Variants in ZFP62 observed in about 807,000 individuals in gnomAD.
ZFP62 encodes the protein zinc finger protein 62 homolog.
A neutral mutation model predicts 56.4 loss-of-function variants in ZFP62; 44 were observed. The observed-to-expected ratio is 0.78, with a 90% CI of 0.61 to 1.00. The LOEUF is 1.00. Among genes scored for constraint, ZFP62 ranks in the 50% least tolerant of loss-of-function variants. ZFP62 has a pLI of 0.00. For synonymous variants in ZFP62, 421 were observed against 388.9 expected (o/e 1.08, Z -0.97); for missense variants, 1,030 against 1,085.7 (o/e 0.95, Z 0.72).
chr5:180,849,143 G>T lies in ZFP62; in HGVS notation c.2352C>A (p.Pro784=). The T allele has an allele frequency of 6.4e-7, 1 of 1,563,100 alleles. No homozygotes were observed. Among genetic ancestry groups the T allele is most frequent in the East Asian group, 2.4e-5 (1 of 41,650 alleles). ...VHKRIHTGEK[P]YECDECGKAY... ...CCTTCCCACACTCATCACATTCATA[G>T]GGTTTCTCACCTGTGTGGATCCTTT... The change falls in exon 2 of 2, where the codon CCC becomes CCA. Residue 784 remains proline, a synonymous_variant. Coordinates refer to ENST00000502412, the MANE Select transcript of ZFP62 (RefSeq NM_001172638.2).
chr5:180,851,995 G>A (rs928991717), intron 1 of ZFP62: 40 of 986,332 alleles, frequency 4.1e-5, no homozygotes, highest in Admixed American at 6.0e-5. Flanking sequence ...TACCTGGGGA[G>A]GGGTATCAGG....
chr5:180,843,365 C>T (rs1773352559), downstream of ZFP62, among the ~76,000 whole-genome samples: 1 of 151,954 alleles, frequency 6.6e-6, no homozygotes, highest in Non-Finnish European at 1.5e-5. Context: ...TAGAATCATT[C>T]ATAACTATAA....
the ZFP62 span, chr5:180,830,825 C>G: frequency 6.6e-6 from 1 of 152,246 alleles, no homozygotes; most frequent in Non-Finnish European, 1.5e-5. Context: ...TCCACCTGCG[C>G]AGAGGTAGCT....
the ZFP62 span, chr5:180,832,767 A>C: frequency 6.6e-6 from 1 of 152,214 alleles, no homozygotes; most frequent in African/African-American, 2.4e-5. Context: ...TGCATCACCC[A>C]GGAACTTGTA....
Position 180,849,112 on chromosome 5 carries a change from T to G in ZFP62, c.2383A>C (p.Ile795Leu), listed in dbSNP as rs1187891624. The G allele has an allele frequency of 1.3e-6, 2 of 1,557,504 alleles. No homozygotes were observed. Among genetic ancestry groups the G allele is most frequent in the Admixed American group, 1.9e-5 (1 of 51,378 alleles). ...TGATTGATAAGACTTGAGTGTGAGA[T>G]GTATGCCTTCCCACACTCATCACAT... ...YECDECGKAY[I>L]SHSSLINHKS... Residue 795 changes from isoleucine (I) to leucine (L), a missense_variant, in exon 2 of 2, where the codon ATC (isoleucine) becomes CTC (leucine). Coordinates refer to ENST00000502412, the MANE Select transcript of ZFP62 (RefSeq NM_001172638.2).
the ZFP62 span, among the ~76,000 whole-genome samples, chr5:180,838,413 T>C: frequency 1.3e-5 from 2 of 152,160 alleles, no homozygotes; most frequent in Non-Finnish European, 2.9e-5. Flanking sequence ...TGAAGGAGAC[T>C]AAAAAGATGC....
At position 180,848,274 on chromosome 5, in the gene ZFP62, G is replaced by A. The variant is rs907493048; in HGVS notation, c.*518C>T. 11 of 985,290 alleles carry A rather than the reference G, an allele frequency of 1.1e-5. No individual in the cohort carries two copies. The highest frequency in any genetic ancestry group is 1.2e-5 in the Non-Finnish European group (10 of 830,046). 61.0% of individuals were successfully genotyped at this position (985,290 alleles called of 1,614,324 possible). A position where few individuals can be genotyped will look rare whatever the true frequency, so the allele number is the denominator to read the frequency against. Reference sequence around the variant, plus strand: ...CCCCCTCCCAAACCAATTACATCAAGTTTATACTTAAAGACCACTAATATT... The same window carrying A: ...CCCCCTCCCAAACCAATTACATCAAATTTATACTTAAAGACCACTAATATT... On this transcript the variant is annotated 3_prime_UTR_variant, in exon 2 of 2. Coordinates refer to ENST00000502412, the MANE Select transcript of ZFP62 (RefSeq NM_001172638.2).
At chr5:180,852,252 C>T (rs2113690874) in intron 1 of ZFP62, among the ~76,000 whole-genome samples, 1 of 152,008 alleles carries the variant, frequency 6.6e-6, no homozygotes, top group East Asian at 1.9e-4. Flanking sequence ...AACTATGAAG[C>T]CATATGGAAA....
intron 1 of ZFP62, among the ~76,000 whole-genome samples, chr5:180,857,448 A>C (rs1252115002): frequency 1.3e-5 from 2 of 152,176 alleles, no homozygotes; most frequent in African/African-American, 4.8e-5. Flanking sequence ...AATCAGAGCT[A>C]ATTTAGGCTG....
rs1773532719 is a variant in ZFP62, at chr5:180,849,059, G to T, written c.2436C>A (p.Pro812=). The change falls in exon 2 of 2, where the codon CCC becomes CCA. Residue 812 remains proline, a synonymous_variant. Coordinates refer to ENST00000502412, the MANE Select transcript of ZFP62 (RefSeq NM_001172638.2). The stretch of plus-strand genomic sequence containing the variant: ...AGGATTTCCCACACTCACAATTATA[G>T]GGCTGCTTCCCCTGGTGGACACTTT... ...NHKSVHQGKQ[P]YNCECGKSFN... 3 of 1,552,242 alleles carry T rather than the reference G, an allele frequency of 1.9e-6. No homozygotes were observed. In the South Asian group the frequency reaches 3.6e-5, roughly 18 times the overall value.
At chr5:180,856,636 G>A (rs1250879897) in intron 1 of ZFP62, among the ~76,000 whole-genome samples, 1 of 152,106 alleles carries the variant, frequency 6.6e-6, no homozygotes, top group Non-Finnish European at 1.5e-5. Context: ...AGGAGAGTCT[G>A]GTAGGAAAAT....
chr5:180,855,971 T>C (rs1198872549), intron 1 of ZFP62, among the ~76,000 whole-genome samples: 7 of 152,226 alleles, frequency 4.6e-5, no homozygotes, highest in Non-Finnish European at 1.0e-4. Context: ...CCTGTGCAAC[T>C]GTCAACCCTC....
downstream of ZFP62, among the ~76,000 whole-genome samples, chr5:180,846,434 C>A (rs1055549027): frequency 6.6e-6 from 1 of 152,212 alleles, no homozygotes; most frequent in Non-Finnish European, 1.5e-5. Context: ...TAAAAACAAC[C>A]AAAGCTGGTC....
downstream of ZFP62, among the ~76,000 whole-genome samples, chr5:180,847,312 A>C (rs1773437872): frequency 1.3e-5 from 2 of 152,204 alleles, no homozygotes; most frequent in Non-Finnish European, 2.9e-5. Flanking sequence ...GTTTATGTTC[A>C]ATTCTACATG....
chr5:180,858,959 C>T (rs1454599747), intron 1 of ZFP62, among the ~76,000 whole-genome samples: 2 of 152,218 alleles, frequency 1.3e-5, no homozygotes, highest in East Asian at 1.9e-4. Flanking sequence ...CGACCAACAA[C>T]CTCTGGGCAC....
the ZFP62 span, chr5:180,834,439 C>T: frequency 6.6e-6 from 1 of 152,120 alleles, no homozygotes; most frequent in African/African-American, 2.4e-5. Flanking sequence ...TTGGGAGACA[C>T]ATTCAGACCA....
chr5:180,858,421 G>A (rs1055196417), intron 1 of ZFP62, among the ~76,000 whole-genome samples: 2 of 152,040 alleles, frequency 1.3e-5, no homozygotes, highest in African/African-American at 2.4e-5. Flanking sequence ...CCTGGCCAAT[G>A]AGGTGAATCC....
chr5:180,846,902 T>G (rs1357377870), downstream of ZFP62, among the ~76,000 whole-genome samples: 1 of 152,178 alleles, frequency 6.6e-6, no homozygotes. Context: ...CAGTGTCATG[T>G]GCAAAGGAGG....
the ZFP62 span, chr5:180,835,188 C>CA: frequency 7.2e-5 from 11 of 152,314 alleles, no homozygotes; most frequent in Admixed American, 5.9e-4. Flanking sequence ...TAGGGAAGAT[C>CA]AACCCTCAAT....
Sources: gnomAD v4.1 joint callset for allele counts (sites outside exome capture counted in the v4.1 genomes callset) on GRCh38, gnomAD v4.1.1 for gene constraint, MANE v1.5 for transcripts, NCBI Gene and HGNC (gene_info 2026-07-23, HGNC 2026-07-21) for gene names.